CCDC93: variants seen among roughly 807,000 people sequenced by gnomAD.
CCDC93 encodes the protein CCC complex scaffolding subunit CCDC93, also known as coiled-coil domain-containing protein 93.
CCDC93 carries 61 observed loss-of-function variants against 108.2 expected under a neutral mutation model. That is an observed-to-expected ratio of 0.56 (90% CI 0.46 to 0.70). CCDC93 has a LOEUF of 0.70. Among genes scored for constraint, CCDC93 ranks in the 30% least tolerant of loss-of-function variants. The pLI, the probability that CCDC93 is intolerant of heterozygous loss-of-function variation, is 0.00. For missense variants in CCDC93, 685 were observed against 764.2 expected, an observed-to-expected ratio of 0.90 and a Z score of 1.22; for synonymous variants, 276 against 260.4, an observed-to-expected ratio of 1.06 and a Z score of -0.58.
chr2:117,951,078 G>A, intron 13 of CCDC93: 8 of 829,122 alleles, frequency 9.6e-6, no homozygotes, highest in Non-Finnish European at 1.1e-5. Flanking sequence ...TCCTTTATAA[G>A]TCACTTAGTT....
chr2:118,013,291 T>C (rs945459444), intron 1 of CCDC93, among the ~76,000 whole-genome samples: 3 of 152,238 alleles, frequency 2.0e-5, no homozygotes, highest in African/African-American at 7.2e-5. Context: ...AGCCGCAGCC[T>C]TTCCGCCCAG....
At position 117,974,877 on chromosome 2, in the gene CCDC93, G is replaced by T. The variant is rs757852337; in HGVS notation, c.774C>A (p.Thr258=). 5.4e-5 allele frequency: 84 copies of T among 1,569,426 alleles called. No homozygotes were observed. The highest frequency in any genetic ancestry group is 7.1e-5 in the Non-Finnish European group (82 of 1,156,414). The change falls in exon 10 of 24, where the codon ACC becomes ACA. Residue 258 remains threonine, a synonymous_variant. Coordinates refer to ENST00000376300, the MANE Select transcript of CCDC93 (RefSeq NM_019044.5). The stretch of plus-strand genomic sequence containing the variant: ...CCTCATTTGCCATAGCGGTCATCTT[G>T]GTCATCAGCGACTGAATACGCTGCT... ...AEEQRIQSLM[T]KMTAMANEES... is the part of the protein sequence containing the mutation.
intron 7 of CCDC93, among the ~76,000 whole-genome samples, chr2:117,984,058 T>G (rs1204000231): frequency 6.6e-6 from 1 of 152,208 alleles, no homozygotes; most frequent in Non-Finnish European, 1.5e-5. Flanking sequence ...AGTCATTTTT[T>G]AACCTTTCTG....
chr2:117,942,591 C>T (rs1031176186), intron 18 of CCDC93, among the ~76,000 whole-genome samples: 3 of 152,204 alleles, frequency 2.0e-5, no homozygotes, highest in African/African-American at 7.2e-5. Context: ...GCTCTCTGCT[C>T]GGCTCCCACA....
chr2:117,988,467 C>G (rs1373137733), intron 6 of CCDC93, among the ~76,000 whole-genome samples: 2 of 152,232 alleles, frequency 1.3e-5, no homozygotes, highest in Non-Finnish European at 2.9e-5. Context: ...TGGCATTCTA[C>G]ACTCAAAAGC....
chr2:117,941,136 C>G (rs1049174495), intron 19 of CCDC93, 53 bp downstream of exon 19: 1 of 1,278,208 alleles, frequency 7.8e-7, no homozygotes, highest in Non-Finnish European at 1.1e-6. Flanking sequence ...GGAACAGACC[C>G]CTCGCCTGTC....
intron 15 of CCDC93, chr2:117,947,891 T>C (rs1295351224): frequency 1.2e-5 from 5 of 419,672 alleles, no homozygotes; most frequent in African/African-American, 2.1e-5. Flanking sequence ...AGACGGGGTT[T>C]CACAGTGTTA....
At chr2:117,985,480 C>T (rs1420714795) in intron 7 of CCDC93, 3 of 947,088 alleles carry the variant, frequency 3.2e-6, no homozygotes, top group African/African-American at 1.8e-5. Context: ...AGAAGCATGT[C>T]CTTGCACTTT....
intron 7 of CCDC93, among the ~76,000 whole-genome samples, chr2:117,981,039 T>C (rs912796985): frequency 1.3e-5 from 2 of 152,218 alleles, no homozygotes; most frequent in Admixed American, 1.3e-4. Flanking sequence ...TTAATTCCAT[T>C]TTATGGCTGA....
At chr2:117,996,604 T>C (rs894226387) in intron 4 of CCDC93, 2 of 351,076 alleles carry the variant, frequency 5.7e-6, no homozygotes, top group East Asian at 5.0e-5. Context: ...TTACTTCACA[T>C]CCTTGAGCCT....
At position 117,986,078 on chromosome 2, in the gene CCDC93, A is replaced by G. The variant is rs1477778324; in HGVS notation, c.520-9T>C. On this transcript the variant is annotated splice_polypyrimidine_tract_variant and intron_variant, in intron 6 of 23. Transcript: ENST00000376300. ...CGGGGCTTGTACACTTCCTAAGTGG[A>G]TGAGACAGCCAAGTTACTGAGTGTG... 2.6e-6 allele frequency: 4 copies of G among 1,552,128 alleles called. No individual in the cohort carries two copies. The highest frequency in any genetic ancestry group is 3.5e-6 in the Non-Finnish European group (4 of 1,131,264).
intron 8 of CCDC93, 72 bp downstream of exon 8, chr2:117,977,922 G>T: frequency 7.2e-7 from 1 of 1,394,552 alleles, no homozygotes; most frequent in Non-Finnish European, 1.0e-6. Flanking sequence ...CGGCTTGTGA[G>T]TGTTAGTCAG....
chr2:117,991,352 A>G (rs2104807941), intron 6 of CCDC93, among the ~76,000 whole-genome samples: 1 of 152,294 alleles, frequency 6.6e-6, no homozygotes, highest in Non-Finnish European at 1.5e-5. Flanking sequence ...TGGGACCCAG[A>G]GAAGCAATAT....
chr2:117,974,926 CAGT>C (rs767044314), intron 9 of CCDC93, 26 bp from the exon 10 acceptor site: 1 of 1,553,350 alleles, frequency 6.4e-7, no homozygotes, highest in Non-Finnish European at 8.7e-7. Flanking sequence ...AAGGGAGCAG[CAGT>C]GAGTGGTTCT....
intron 23 of CCDC93, among the ~76,000 whole-genome samples, chr2:117,924,977 T>C (rs554909387): frequency 0.013 from 1,939 of 152,320 alleles, 17 homozygotes; most frequent in Non-Finnish European, 0.023. Context: ...ATATTCAACA[T>C]TCCTAAAGAA....
intron 21 of CCDC93, chr2:117,936,419 A>G (rs913181788): frequency 2.9e-6 from 1 of 339,172 alleles, no homozygotes; most frequent in East Asian, 4.5e-5. Context: ...TATTAATTTG[A>G]TAACATACAG....
chr2:117,948,042 G>A lies in CCDC93; in HGVS notation c.1224+63C>T, dbSNP rs562146729. ...GGATAGGATGCCACAACAGGACAAC[G>A]GAGGTAAACCAAGAGATTCAATAAG... On this transcript the variant is annotated intron_variant, in intron 15 of 23. Coordinates refer to ENST00000376300, the MANE Select transcript of CCDC93 (RefSeq NM_019044.5). The A allele has an allele frequency of 1.9e-5, 25 of 1,315,298 alleles. No individual in the cohort carries two copies. In the African/African-American group the frequency reaches 3.0e-4, roughly 16 times the overall value. The allele number at this position is 1,315,298 out of a possible 1,614,324, so 81.5% of individuals were successfully genotyped here. A position where few individuals can be genotyped will look rare whatever the true frequency, so the allele number is the denominator to read the frequency against.
chr2:117,933,129 A>G (rs1211491273), intron 22 of CCDC93, among the ~76,000 whole-genome samples: 1 of 152,202 alleles, frequency 6.6e-6, no homozygotes, highest in Non-Finnish European at 1.5e-5. Flanking sequence ...AGCTAATTTA[A>G]CTTTTTTGAA....
chr2:117,926,838 A>C (rs1326501985), intron 23 of CCDC93, among the ~76,000 whole-genome samples: 1 of 152,174 alleles, frequency 6.6e-6, no homozygotes, highest in Non-Finnish European at 1.5e-5. Context: ...TTAGACCAAT[A>C]TCCCTGATGA....
Sources: gnomAD v4.1 joint callset for allele counts (sites outside exome capture counted in the v4.1 genomes callset) on GRCh38, gnomAD v4.1.1 for gene constraint, MANE v1.5 for transcripts, NCBI Gene and HGNC (gene_info 2026-07-23, HGNC 2026-07-21) for gene names.